The following PRDM16 variants were observed in gnomAD, a reference collection of about 807,000 sequenced individuals.
The protein encoded by PRDM16 is PR/SET domain 16.
Under a neutral mutation model 110.6 loss-of-function variants are expected in PRDM16, and 23 were observed. The ratio of observed to expected loss-of-function variants is 0.21; its 90% CI spans 0.15 to 0.29. PRDM16 has a LOEUF of 0.29. PRDM16 is among the 10% of genes least tolerant of loss of function. PRDM16 has a pLI of 1.00. For missense variants in PRDM16, 1,615 were observed against 1,794.3 expected (o/e 0.90, Z 1.81); for synonymous variants, 799 against 781.8 (o/e 1.02, Z -0.37).
At chr1:3,400,764 G>A (rs1233147766) in intron 5 of PRDM16, among the ~76,000 whole-genome samples, 2 of 152,170 alleles carry the variant, frequency 1.3e-5, no homozygotes, top group Non-Finnish European at 2.9e-5. Context: ...AGCAGGGCCA[G>A]GATGCCTGGA....
chr1:3,388,025 G>T (rs566413210), intron 4 of PRDM16, among the ~76,000 whole-genome samples: 2 of 152,370 alleles, frequency 1.3e-5, no homozygotes, highest in East Asian at 1.9e-4. Flanking sequence ...GGGAACGTGG[G>T]TTCCTGCAAA....
chr1:3,275,520 C>G (rs772109652), intron 3 of PRDM16, among the ~76,000 whole-genome samples: 1 of 152,058 alleles, frequency 6.6e-6, no homozygotes, highest in South Asian at 2.1e-4. Flanking sequence ...GTCAGGCACT[C>G]GGCATGCCCC....
chr1:3,091,457 C>T (rs1015181528), intron 1 of PRDM16, among the ~76,000 whole-genome samples: 2 of 152,220 alleles, frequency 1.3e-5, no homozygotes, highest in African/African-American at 4.8e-5. Context: ...GGACTCAGAT[C>T]CAGGGGGAGT....
chr1:3,283,566 G>A (rs1337031630), intron 3 of PRDM16, among the ~76,000 whole-genome samples: 1 of 152,154 alleles, frequency 6.6e-6, no homozygotes, highest in African/African-American at 2.4e-5. Flanking sequence ...GGACAGCGAA[G>A]GGTTACGGGG....
chr1:3,418,804 C>A (rs1256638183), intron 12 of PRDM16, 60 bp downstream of exon 12: 2 of 1,293,990 alleles, frequency 1.5e-6, no homozygotes, highest in Non-Finnish European at 2.2e-6. Flanking sequence ...CACCGCTGAC[C>A]CACTCCTAGG....
chr1:3,189,833 C>T (rs2651916), intron 2 of PRDM16, among the ~76,000 whole-genome samples: 135,341 of 152,162 alleles, frequency 0.89, 60,342 homozygotes, highest in Non-Finnish European at 0.92. Flanking sequence ...ACAGGGTGCG[C>T]GTCTCTTGAA....
chr1:3,411,349 A>T, intron 8 of PRDM16, 35 bp from the exon 9 acceptor site: 1 of 1,575,944 alleles, frequency 6.3e-7, no homozygotes, highest in Non-Finnish European at 8.7e-7. Flanking sequence ...CGGTCATTTC[A>T]TGCGGGTTTG....
intron 2 of PRDM16, among the ~76,000 whole-genome samples, chr1:3,222,423 C>T (rs1639174705): frequency 6.6e-6 from 1 of 152,238 alleles, no homozygotes; most frequent in Non-Finnish European, 1.5e-5. Flanking sequence ...CCTCCCTCCG[C>T]CATGAGGAGT....
chr1:3,295,616 C>G lies in PRDM16; in HGVS notation c.438+51479C>G, dbSNP rs1641071261. Among the ~76,000 whole-genome samples the G allele has an allele frequency of 2.6e-5, 4 of 152,146 alleles. 2 individuals carry two copies. The South Asian group carries it at 8.3e-4, about 32-fold the overall frequency. ...ACTCAGGAGCCGAGCGTCCTCCTCT[C>G]CCTCCCACCGGTAGCAGCAGACTTG... On this transcript the variant is annotated intron_variant, in intron 3 of 16. Coordinates refer to ENST00000270722, the MANE Select transcript of PRDM16 (RefSeq NM_022114.4).
chr1:3,235,337 G>A (rs186175287), intron 2 of PRDM16, among the ~76,000 whole-genome samples: 183 of 152,302 alleles, frequency 1.2e-3, no homozygotes, highest in African/African-American at 3.7e-3. Context: ...TCCCTTTCTC[G>A]TGCTGGAAGT....
Position 3,310,411 on chromosome 1 carries a change from G to A in PRDM16, c.438+66274G>A, listed in dbSNP as rs369475825. Among the ~76,000 whole-genome samples the A allele has an allele frequency of 3.5e-4, 54 of 152,284 alleles. 1 individual carries two copies. Among genetic ancestry groups the A allele is most frequent in the African/African-American group, 1.1e-3 (46 of 41,558 alleles). On this transcript the variant is annotated intron_variant, in intron 3 of 16. Transcript: ENST00000270722. ...CTGCTGAGCCCGGTGACCCTGAGCC[G>A]TCTTTCAACGGAAACCGTAGTCCCT... is the stretch of plus-strand genomic sequence containing the variant.
intron 1 of PRDM16, among the ~76,000 whole-genome samples, chr1:3,139,264 A>T (rs548747802): frequency 2.0e-5 from 3 of 152,304 alleles, no homozygotes; most frequent in East Asian, 3.9e-4. Flanking sequence ...CACGGCACGC[A>T]GAGATTCTTC....
rs537700518 is a variant in PRDM16, at chr1:3,098,017, C to A, written c.37+28721C>A. Among the ~76,000 whole-genome samples, 3 of 152,304 alleles carry A rather than the reference C, an allele frequency of 2.0e-5. No individual in the cohort carries two copies. The East Asian group carries it at 5.8e-4, about 29-fold the overall frequency. ...AGGGCAGGTGTCCAATGGTGCTCCT[C>A]CAGCAGGACTGGAAACTGCCCCCGC... On this transcript the variant is annotated intron_variant, in intron 1 of 16. Transcript: ENST00000270722.
At chr1:3,170,850 T>C (rs563927477) in intron 1 of PRDM16, among the ~76,000 whole-genome samples, 2 of 152,322 alleles carry the variant, frequency 1.3e-5, no homozygotes, top group East Asian at 3.9e-4. Flanking sequence ...GCCAGGGCTG[T>C]CGGGAGCCCA....
chr1:3,267,097 TGCAGCC>T (rs1461108245), intron 3 of PRDM16, among the ~76,000 whole-genome samples: 1 of 152,202 alleles, frequency 6.6e-6, no homozygotes, highest in Admixed American at 6.5e-5. Flanking sequence ...TTCGGTATTT[TGCAGCC>T]GCCTCTGTCT....
At chr1:3,132,353 G>A (rs1396099080) in intron 1 of PRDM16, among the ~76,000 whole-genome samples, 1 of 152,200 alleles carries the variant, frequency 6.6e-6, no homozygotes, top group Admixed American at 6.5e-5. Flanking sequence ...GGTGGAGGGT[G>A]GATGGGACAG....
intron 3 of PRDM16, among the ~76,000 whole-genome samples, chr1:3,383,929 A>ACC (rs1354292309): frequency 2.0e-5 from 3 of 150,860 alleles, no homozygotes; most frequent in Non-Finnish European, 3.0e-5. Context: ...ACACCTGCCC[A>ACC]AGGACACACT....
chr1:3,248,625 G>T (rs1294167403), intron 3 of PRDM16, among the ~76,000 whole-genome samples: 1 of 152,190 alleles, frequency 6.6e-6, no homozygotes, highest in African/African-American at 2.4e-5. Context: ...AAGTCATTCC[G>T]CCGGAAGAGG....
intron 1 of PRDM16, among the ~76,000 whole-genome samples, chr1:3,103,883 TG>T (rs1257722380): frequency 2.0e-5 from 3 of 152,230 alleles, no homozygotes; most frequent in Non-Finnish European, 2.9e-5. Context: ...CAATTCTGTA[TG>T]TTTTTTAAAA....
Sources: allele counts gnomAD v4.1 joint callset (sites outside exome capture counted in the v4.1 genomes callset), GRCh38; gene constraint gnomAD v4.1.1; transcripts MANE v1.5; gene names NCBI Gene and HGNC (gene_info 2026-07-23, HGNC 2026-07-21).